The following CSMD1 variants were observed in gnomAD, a reference collection of about 807,000 sequenced individuals.
The protein encoded by CSMD1 is CUB and Sushi multiple domains 1.
Under a neutral mutation model 417.5 loss-of-function variants are expected in CSMD1, and 213 were observed. The observed-to-expected ratio is 0.51, with a 90% CI of 0.46 to 0.57. The LOEUF (loss-of-function observed/expected upper bound fraction) is 0.57. Ranked by LOEUF, CSMD1 falls within the 20% of genes least tolerant of loss-of-function variation. CSMD1 has a pLI of 0.00. For synonymous variants in CSMD1, 2,862 were observed against 1,736.8 expected (o/e 1.65, Z -16.11); for missense variants, 6,923 against 4,529.7 (o/e 1.53, Z -15.17).
chr8:4,130,553 T>C (rs1803036531), intron 3 of CSMD1, among the ~76,000 whole-genome samples: 1 of 152,202 alleles, frequency 6.6e-6, no homozygotes, highest in African/African-American at 2.4e-5. Context: ...CTGGTTCTTT[T>C]AAATCAATTA....
At chr8:4,729,037 A>G (rs1393548617) in intron 1 of CSMD1, among the ~76,000 whole-genome samples, 1 of 152,210 alleles carries the variant, frequency 6.6e-6, no homozygotes, top group Non-Finnish European at 1.5e-5. Flanking sequence ...ACGGAAAGAG[A>G]TAAATTCACT....
At chr8:4,769,865 C>T (rs920488053) in intron 1 of CSMD1, among the ~76,000 whole-genome samples, 1 of 152,084 alleles carries the variant, frequency 6.6e-6, no homozygotes, top group Non-Finnish European at 1.5e-5. Context: ...ATATATGCAT[C>T]CCACCACTAA....
intron 2 of CSMD1, among the ~76,000 whole-genome samples, chr8:4,501,301 A>C (rs1449013923): frequency 6.6e-6 from 1 of 152,134 alleles, no homozygotes; most frequent in East Asian, 1.9e-4. Flanking sequence ...TAAAAACATG[A>C]ATGATTGTTT....
At chr8:4,048,086 A>G (rs558862595) in intron 3 of CSMD1, among the ~76,000 whole-genome samples, 10 of 152,316 alleles carry the variant, frequency 6.6e-5, no homozygotes, top group African/African-American at 2.2e-4. Context: ...TTCCTAATTG[A>G]TAAGTATCTC....
At chr8:4,375,487 G>C (rs968841275) in intron 3 of CSMD1, among the ~76,000 whole-genome samples, 2 of 152,128 alleles carry the variant, frequency 1.3e-5, no homozygotes, top group South Asian at 4.1e-4. Context: ...ATCTTATGGA[G>C]TCTCCTTGAT....
intron 5 of CSMD1, among the ~76,000 whole-genome samples, chr8:3,782,310 C>G (rs1028472899): frequency 1.5e-4 from 23 of 152,156 alleles, no homozygotes; most frequent in African/African-American, 5.6e-4. Context: ...GCTAACCATA[C>G]TTGTATGATA....
chr8:3,562,134 C>CA lies in CSMD1; in HGVS notation c.1344+12810dup, dbSNP rs59050971. ...ATGAGGGAAAAGAAAATCCAACCCA[C>CA]AAAAAAAAAAAAAATCCACTGTAAA... On this transcript the variant is annotated intron_variant, in intron 10 of 69. Coordinates refer to ENST00000635120, the MANE Select transcript of CSMD1 (RefSeq NM_033225.6). Among the ~76,000 whole-genome samples the CA allele has an allele frequency of 9.2e-3, 1,166 of 127,136 alleles. 10 individuals carry two copies. The highest frequency in any genetic ancestry group is 0.025 in the South Asian group (102 of 4,080). The allele number at this position is 127,136 out of a possible 152,430, so 83.4% of individuals were successfully genotyped here. A position where few individuals can be genotyped will look rare whatever the true frequency, so the allele number is the denominator to read the frequency against.
At chr8:4,778,031 A>G (rs17432165) in intron 1 of CSMD1, among the ~76,000 whole-genome samples, 13,265 of 152,260 alleles carry the variant, frequency 0.087, 732 homozygotes, top group Middle Eastern at 0.13. Flanking sequence ...TCTAGATGGT[A>G]GTGGAGAGTT....
intron 2 of CSMD1, among the ~76,000 whole-genome samples, chr8:4,609,454 G>A (rs1159187346): frequency 6.6e-6 from 1 of 152,044 alleles, no homozygotes; most frequent in Non-Finnish European, 1.5e-5. Context: ...CCTAGCTGGG[G>A]TATTTTGTTA....
chr8:4,606,106 C>A (rs116466801), intron 2 of CSMD1, among the ~76,000 whole-genome samples: 7 of 152,056 alleles, frequency 4.6e-5, no homozygotes, highest in Non-Finnish European at 8.8e-5. Flanking sequence ...CAAAATTGAT[C>A]GAGCTGAAAT....
At position 4,984,545 on chromosome 8, in the gene CSMD1, C is replaced by T. The variant is rs141361438; in HGVS notation, c.85+9787G>A. On this transcript the variant is annotated intron_variant, in intron 1 of 69. Coordinates refer to ENST00000635120, the MANE Select transcript of CSMD1 (RefSeq NM_033225.6). ...ACACAAAGTTTTCTTGTCTGTTCTC[C>T]GGCTGCTTCTCCTCAACATCCTCAT... Among the ~76,000 whole-genome samples the T allele has an allele frequency of 7.2e-5, 11 of 152,322 alleles. No homozygotes were observed. The East Asian group carries it at 1.5e-3, about 21-fold the overall frequency.
At chr8:4,564,212 C>G (rs1008086649) in intron 2 of CSMD1, among the ~76,000 whole-genome samples, 7 of 152,106 alleles carry the variant, frequency 4.6e-5, no homozygotes, top group African/African-American at 9.7e-5. Flanking sequence ...ACTTCCTTCC[C>G]CTGGACATGC....
At chr8:4,693,238 G>C (rs985112724) in intron 1 of CSMD1, among the ~76,000 whole-genome samples, 7 of 152,214 alleles carry the variant, frequency 4.6e-5, no homozygotes, top group African/African-American at 7.2e-5. Context: ...CCATGAGCAA[G>C]AAATGTTCTC....
At chr8:4,815,302 T>C (rs919584666) in intron 1 of CSMD1, among the ~76,000 whole-genome samples, 1 of 152,130 alleles carries the variant, frequency 6.6e-6, no homozygotes, top group African/African-American at 2.4e-5. Context: ...CCTTCCCTGC[T>C]CAGCCTTCTG....
chr8:4,350,869 G>A (rs10105465), intron 3 of CSMD1, among the ~76,000 whole-genome samples: 24,713 of 152,146 alleles, frequency 0.16, 2,140 homozygotes, highest in South Asian at 0.2. Flanking sequence ...CTCTAGTTCC[G>A]GTGGATGGAG....
chr8:3,393,336 G>C (rs1044089171), intron 17 of CSMD1, among the ~76,000 whole-genome samples: 3 of 152,162 alleles, frequency 2.0e-5, no homozygotes, highest in Admixed American at 6.5e-5. Context: ...TACCTCCTGA[G>C]ACTTCCAACA....
chr8:3,147,517 A>C (rs11136584), intron 40 of CSMD1, among the ~76,000 whole-genome samples: 17,005 of 152,164 alleles, frequency 0.11, 1,284 homozygotes, highest in East Asian at 0.34. Flanking sequence ...TTCATTTCCT[A>C]CTTCAGCTGG....
intron 4 of CSMD1, among the ~76,000 whole-genome samples, chr8:4,030,639 G>A (rs937042591): frequency 3.9e-5 from 6 of 152,162 alleles, no homozygotes; most frequent in East Asian, 1.9e-4. Context: ...TGCCCTGGAG[G>A]CATTTTCCCC....
At chr8:3,602,868 G>C (rs949597565) in intron 8 of CSMD1, among the ~76,000 whole-genome samples, 1 of 151,892 alleles carries the variant, frequency 6.6e-6, no homozygotes, top group African/African-American at 2.4e-5. Context: ...ACTATGTTTT[G>C]TATTTTGAAG....
Sources: gnomAD v4.1 joint callset for allele counts (sites outside exome capture counted in the v4.1 genomes callset) on GRCh38, gnomAD v4.1.1 for gene constraint, MANE v1.5 for transcripts, NCBI Gene and HGNC (gene_info 2026-07-23, HGNC 2026-07-21) for gene names.